The following TBCE variants were observed in gnomAD, a reference collection of about 807,000 sequenced individuals.
The protein encoded by TBCE is tubulin folding cofactor E, also known as tubulin-specific chaperone E.
TBCE carries 53 observed loss-of-function variants against 77.0 expected under a neutral mutation model. The observed-to-expected ratio is 0.69, with a 90% CI of 0.55 to 0.87. The LOEUF (loss-of-function observed/expected upper bound fraction) is 0.87. TBCE is among the 40% of genes least tolerant of loss of function. TBCE has a pLI of 0.00. For missense variants in TBCE, 624 were observed against 622.4 expected, an observed-to-expected ratio of 1.00 and a Z score of -0.03; for synonymous variants, 235 against 241.3, an observed-to-expected ratio of 0.97 and a Z score of 0.24.
intron 1 of TBCE, among the ~76,000 whole-genome samples, chr1:235,369,061 C>CGTT (rs1454505136): frequency 1.3e-5 from 2 of 152,102 alleles, no homozygotes; most frequent in Non-Finnish European, 1.5e-5. Context: ...GTTCAAGTTA[C>CGTT]GTTGTCTCGT....
chr1:235,428,589 A>C (rs1482840188), intron 6 of TBCE, among the ~76,000 whole-genome samples: 1 of 152,040 alleles, frequency 6.6e-6, no homozygotes, highest in Non-Finnish European at 1.5e-5. Flanking sequence ...ACTTGAATTT[A>C]TCTAACTTTA....
rs185797997 is a variant in TBCE at position 235,382,036 on chromosome 1, T to C, written c.100+1887T>C. 2.5e-4 allele frequency among the ~76,000 whole-genome samples: 37 copies of C among 145,634 alleles called. No individual in the cohort carries two copies. In the East Asian group the frequency reaches 5.1e-3, roughly 20 times the overall value. ...GTGTCCATGTGTTCTCATTGTTCAGTTCCCACCTATGAGTGAGAACATGCA... is the reference window on the plus strand; with the variant it reads ...GTGTCCATGTGTTCTCATTGTTCAGCTCCCACCTATGAGTGAGAACATGCA... On this transcript the variant is annotated intron_variant, in intron 2 of 16. Transcript: ENST00000642610.
intron 5 of TBCE, among the ~76,000 whole-genome samples, chr1:235,425,627 G>A (rs1680666658): frequency 6.6e-6 from 1 of 152,192 alleles, no homozygotes; most frequent in Non-Finnish European, 1.5e-5. Flanking sequence ...GTTTCAAACA[G>A]ACTTTGAAGT....
intron 3 of TBCE, among the ~76,000 whole-genome samples, chr1:235,408,603 T>G (rs75447720): frequency 3.2e-4 from 48 of 152,296 alleles, no homozygotes; most frequent in South Asian, 1.4e-3. Flanking sequence ...TTCAGCTGAT[T>G]AGAGAAGCAA....
At chr1:235,425,591 C>T (rs1021319103) in intron 5 of TBCE, among the ~76,000 whole-genome samples, 6 of 152,164 alleles carry the variant, frequency 3.9e-5, no homozygotes, top group Non-Finnish European at 7.3e-5. Context: ...CAATATCTCC[C>T]GTTTCAAGCA....
At position 235,398,622 on chromosome 1, in the gene TBCE, C is replaced by CT. The variant is rs543905164; in HGVS notation, c.101-2867dup. On this transcript the variant is annotated intron_variant, in intron 2 of 16. Coordinates refer to ENST00000642610, the MANE Select transcript of TBCE (RefSeq NM_003193.5). ...CGATGATGATTATTTGTGGTGTTTT[C>CT]TTTTTTTTTTTTTTGAGACAAGGTC... Among the ~76,000 whole-genome samples, 1,247 of 133,344 alleles carry CT rather than the reference C, an allele frequency of 9.4e-3. 7 individuals are homozygous for CT. Among genetic ancestry groups the CT allele is most frequent in the Non-Finnish European group, 0.012 (731 of 61,348 alleles). 87.5% of individuals were successfully genotyped at this position (133,344 alleles called of 152,430 possible).
Position 235,448,819 on chromosome 1 carries a change from A to AAATAAATGATTC in TBCE, c.*59_*70dup. 8.0e-7 allele frequency: 1 copy of AAATAAATGATTC among 1,252,128 alleles called. No homozygotes were observed. Among genetic ancestry groups the AAATAAATGATTC allele is most frequent in the Non-Finnish European group, 1.2e-6 (1 of 856,692 alleles). 77.6% of individuals were successfully genotyped at this position (1,252,128 alleles called of 1,614,324 possible). On this transcript the variant is annotated 3_prime_UTR_variant, in exon 17 of 17. Coordinates refer to ENST00000642610, the MANE Select transcript of TBCE (RefSeq NM_003193.5). ...GCTTATCGTGTCTGGGGTTCACCGG[A>AAATAAATGATTC]AATAAATGATTCACTGGAACAATTC...
At chr1:235,430,401 A>C (rs80182502) in intron 6 of TBCE, 163 of 321,186 alleles carry the variant, frequency 5.1e-4, no homozygotes, top group African/African-American at 3.3e-3. Flanking sequence ...TGAAGCTGGA[A>C]GCTCACCTTG....
intron 5 of TBCE, among the ~76,000 whole-genome samples, chr1:235,420,826 A>T (rs569381940): frequency 2.0e-5 from 3 of 152,068 alleles, no homozygotes; most frequent in African/African-American, 7.2e-5. Flanking sequence ...GGGTTTCGCC[A>T]CATTGGCGAG....
chr1:235,427,279 G>GA, intron 6 of TBCE, 40 bp downstream of exon 6: 1 of 1,437,884 alleles, frequency 7.0e-7, no homozygotes, highest in Non-Finnish European at 9.8e-7. Context: ...TAACAATAAA[G>GA]CTCATCTCTC....
At chr1:235,434,788 C>G (rs1001830736) in intron 8 of TBCE, among the ~76,000 whole-genome samples, 1 of 151,926 alleles carries the variant, frequency 6.6e-6, no homozygotes, top group African/African-American at 2.4e-5. Context: ...GAACTCCTGA[C>G]CTTGTGAGCC....
chr1:235,445,540 G>A (rs1682196778), intron 15 of TBCE, among the ~76,000 whole-genome samples: 1 of 152,204 alleles, frequency 6.6e-6, no homozygotes, highest in African/African-American at 2.4e-5. Flanking sequence ...GGCGGCTGAG[G>A]TGGGAGGATC....
intron 2 of TBCE, 151 bp from the exon 3 acceptor site, chr1:235,401,352 C>G: frequency 1.5e-6 from 1 of 683,488 alleles, no homozygotes; most frequent in Non-Finnish European, 2.7e-6. Flanking sequence ...TGATTGAAGT[C>G]CTGAGTATAA....
chr1:235,393,382 C>T (rs1011896053), intron 2 of TBCE, among the ~76,000 whole-genome samples: 1 of 150,836 alleles, frequency 6.6e-6, no homozygotes, highest in African/African-American at 2.5e-5. Flanking sequence ...ACTAAAAATA[C>T]AAACAATTAG....
In TBCE at chr1:235,401,489, T is replaced by C. The variant is rs1161069891; in HGVS notation, c.101-14T>C. 1.2e-6 allele frequency: 2 copies of C among 1,612,684 alleles called. No individual in the cohort carries two copies. Among genetic ancestry groups the C allele is most frequent in the Non-Finnish European group, 1.7e-6 (2 of 1,178,834 alleles). The stretch of plus-strand genomic sequence containing the variant: ...CATCATCTGTTACTCATTTGGTTTT[T>C]CTTGTTCTGCTAGGACCCTGGTTAG... On this transcript the variant is annotated splice_polypyrimidine_tract_variant and intron_variant, in intron 2 of 16. Transcript: ENST00000642610.
At chr1:235,428,272 C>T (rs553569020) in intron 6 of TBCE, among the ~76,000 whole-genome samples, 4 of 150,466 alleles carry the variant, frequency 2.7e-5, no homozygotes, top group African/African-American at 7.4e-5. Flanking sequence ...TGCAGTGAGC[C>T]GAGATTGTGC....
intron 5 of TBCE, among the ~76,000 whole-genome samples, chr1:235,423,252 T>C (rs1472934156): frequency 6.6e-6 from 1 of 151,550 alleles, no homozygotes; most frequent in Non-Finnish European, 1.5e-5. Context: ...CGGAGGAGAG[T>C]CTGTGCCCAG....
At chr1:235,410,844 G>C (rs1679744410) in intron 3 of TBCE, among the ~76,000 whole-genome samples, 1 of 152,152 alleles carries the variant, frequency 6.6e-6, no homozygotes, top group African/African-American at 2.4e-5. Flanking sequence ...CAGGGTAGAG[G>C]AGCTCAGTTC....
At chr1:235,412,134 T>C (rs76821507) in intron 3 of TBCE, among the ~76,000 whole-genome samples, 1,472 of 6,978 alleles carry the variant, frequency 0.21, 198 homozygotes, top group African/African-American at 0.27. Context: ...CTTTCCCTTC[T>C]CCTCCCCTTC....
Sources: gnomAD v4.1 joint callset for allele counts (sites outside exome capture counted in the v4.1 genomes callset) on GRCh38, gnomAD v4.1.1 for gene constraint, MANE v1.5 for transcripts, NCBI Gene and HGNC (gene_info 2026-07-23, HGNC 2026-07-21) for gene names.